SEZ6L: variants seen among roughly 807,000 people sequenced by gnomAD.
SEZ6L encodes the protein seizure 6-like protein.
SEZ6L carries 37 observed loss-of-function variants against 106.2 expected under a neutral mutation model. The ratio of observed to expected loss-of-function variants is 0.35; its 90% CI spans 0.27 to 0.46. The LOEUF (loss-of-function observed/expected upper bound fraction) is 0.46. Ranked by LOEUF, SEZ6L falls within the 20% of genes least tolerant of loss-of-function variation. The probability of loss-of-function intolerance (pLI) is 1.00; values close to 1 mark genes in which losing one functional copy is unlikely to be tolerated. For synonymous variants in SEZ6L, 541 were observed against 570.4 expected, an observed-to-expected ratio of 0.95 and a Z score of 0.73; for missense variants, 1,172 against 1,332.8, an observed-to-expected ratio of 0.88 and a Z score of 1.88.
At chr22:26,295,299 C>T (rs1452184572) in intron 3 of SEZ6L, among the ~76,000 whole-genome samples, 3 of 152,160 alleles carry the variant, frequency 2.0e-5, no homozygotes, top group Non-Finnish European at 2.9e-5. Flanking sequence ...GCAGAAATCG[C>T]GACCATGCAG....
chr22:26,316,760 A>C (rs1292793939), intron 9 of SEZ6L, among the ~76,000 whole-genome samples: 1 of 151,892 alleles, frequency 6.6e-6, no homozygotes, highest in African/African-American at 2.4e-5. Flanking sequence ...TGAACCCGGG[A>C]GGTGGAGATT....
At chr22:26,263,729 C>T (rs1315143407) in intron 1 of SEZ6L, among the ~76,000 whole-genome samples, 1 of 152,210 alleles carries the variant, frequency 6.6e-6, no homozygotes, top group East Asian at 1.9e-4. Flanking sequence ...ATTTACAGTG[C>T]AGGAAAATCT....
chr22:26,211,168 C>A (rs1427584873), intron 1 of SEZ6L, among the ~76,000 whole-genome samples: 4 of 152,174 alleles, frequency 2.6e-5, no homozygotes, highest in Non-Finnish European at 4.4e-5. Flanking sequence ...GCTCTGGGAG[C>A]CAACCGGGTC....
chr22:26,351,273 A>G (rs1383203415), intron 12 of SEZ6L, 30 bp downstream of exon 12: 5 of 1,598,956 alleles, frequency 3.1e-6, no homozygotes, highest in South Asian at 2.2e-5. Context: ...TTGGGCCCCC[A>G]GTAGGTAGAA....
chr22:26,327,603 C>T (rs1244137051), intron 9 of SEZ6L, among the ~76,000 whole-genome samples: 1 of 147,250 alleles, frequency 6.8e-6, no homozygotes, highest in African/African-American at 2.5e-5. Context: ...GCCACACATG[C>T]CACACACACC....
chr22:26,296,221 C>T (rs2081296373), intron 3 of SEZ6L, among the ~76,000 whole-genome samples: 1 of 152,120 alleles, frequency 6.6e-6, no homozygotes, highest in South Asian at 2.1e-4. Flanking sequence ...AATGGCAAAG[C>T]AAGTGTCTGA....
At chr22:26,204,599 A>G (rs1228931484) in intron 1 of SEZ6L, among the ~76,000 whole-genome samples, 5 of 152,214 alleles carry the variant, frequency 3.3e-5, no homozygotes, top group Non-Finnish European at 7.3e-5. Flanking sequence ...AACTACCAAG[A>G]TCTATTGCTG....
At chr22:26,216,506 A>G (rs747529045) in intron 1 of SEZ6L, among the ~76,000 whole-genome samples, 3 of 152,128 alleles carry the variant, frequency 2.0e-5, no homozygotes, top group Non-Finnish European at 4.4e-5. Flanking sequence ...AAGTACAGTA[A>G]TTAGCTGGGT....
intron 1 of SEZ6L, among the ~76,000 whole-genome samples, chr22:26,281,136 G>T (rs908053496): frequency 6.6e-6 from 1 of 152,010 alleles, no homozygotes; most frequent in African/African-American, 2.4e-5. Context: ...CTCACAAATG[G>T]ATTAACTACT....
At chr22:26,332,467 G>A (rs1373881662) in intron 9 of SEZ6L, among the ~76,000 whole-genome samples, 1 of 124,574 alleles carries the variant, frequency 8.0e-6, no homozygotes, top group Non-Finnish European at 1.8e-5. Context: ...TTTTTTTTTA[G>A]ACAGCATCTC....
chr22:26,310,095 A>G (rs536048734), intron 6 of SEZ6L, among the ~76,000 whole-genome samples: 45 of 152,362 alleles, frequency 3.0e-4, no homozygotes, highest in African/African-American at 1.1e-3. Flanking sequence ...TCAATTCATT[A>G]GTTCGTCGTT....
intron 1 of SEZ6L, among the ~76,000 whole-genome samples, chr22:26,251,528 T>G (rs2079585227): frequency 3.9e-5 from 6 of 152,314 alleles, no homozygotes; most frequent in Admixed American, 3.9e-4. Flanking sequence ...CTGTAAAGAC[T>G]GAAGGGGAGC....
intron 1 of SEZ6L, among the ~76,000 whole-genome samples, chr22:26,188,786 ACT>A (rs1276376145): frequency 6.6e-6 from 1 of 152,158 alleles, no homozygotes; most frequent in African/African-American, 2.4e-5. Context: ...AAGTGTGGTC[ACT>A]CTTAACCCGG....
At chr22:26,344,705 A>G (rs1043103175) in intron 10 of SEZ6L, among the ~76,000 whole-genome samples, 5 of 152,242 alleles carry the variant, frequency 3.3e-5, no homozygotes, top group Non-Finnish European at 5.9e-5. Context: ...TAAGATGCTC[A>G]TAATATCTCA....
At chr22:26,176,057 G>A (rs912060244) in intron 1 of SEZ6L, among the ~76,000 whole-genome samples, 36 of 152,224 alleles carry the variant, frequency 2.4e-4, no homozygotes, top group African/African-American at 8.0e-4. Flanking sequence ...GCCATTGATT[G>A]TGGACCTACT....
At chr22:26,260,801 C>A (rs949609858) in intron 1 of SEZ6L, among the ~76,000 whole-genome samples, 2 of 152,142 alleles carry the variant, frequency 1.3e-5, no homozygotes, top group African/African-American at 4.8e-5. Context: ...TTTAAGGAAT[C>A]TCTACACTGT....
intron 1 of SEZ6L, among the ~76,000 whole-genome samples, chr22:26,217,577 A>G (rs1013610594): frequency 6.6e-6 from 1 of 152,174 alleles, no homozygotes; most frequent in Admixed American, 6.5e-5. Context: ...GTCCACATTA[A>G]TGTGATTATT....
intron 1 of SEZ6L, among the ~76,000 whole-genome samples, chr22:26,173,448 T>A (rs1289893399): frequency 6.6e-6 from 1 of 152,194 alleles, no homozygotes; most frequent in East Asian, 1.9e-4. Context: ...TTCCAAACTC[T>A]CATGCTGTTT....
At chr22:26,348,053 C>T in intron 11 of SEZ6L, 140 bp downstream of exon 11, 1 of 653,390 alleles carries the variant, frequency 1.5e-6, no homozygotes, top group Non-Finnish European at 2.5e-6. Flanking sequence ...GCATTGCTCA[C>T]AAATGTCATT....
Sources: gnomAD v4.1 joint callset for allele counts (sites outside exome capture counted in the v4.1 genomes callset) on GRCh38, gnomAD v4.1.1 for gene constraint, MANE v1.5 for transcripts, NCBI Gene and HGNC (gene_info 2026-07-23, HGNC 2026-07-21) for gene names.